SLC7A5: variants seen among roughly 807,000 people sequenced by gnomAD.
SLC7A5 encodes solute carrier family 7 member 5.
Under a neutral mutation model 50.2 loss-of-function variants are expected in SLC7A5, and 23 were observed. The ratio of observed to expected loss-of-function variants is 0.46; its 90% CI spans 0.33 to 0.65. The LOEUF is 0.65. SLC7A5 is among the 30% of genes least tolerant of loss of function. The pLI is 0.02. For missense variants in SLC7A5, 578 were observed against 684.4 expected, an observed-to-expected ratio of 0.84 and a Z score of 1.73; for synonymous variants, 393 against 330.6, an observed-to-expected ratio of 1.19 and a Z score of -2.05.
intron 8 of SLC7A5, among the ~76,000 whole-genome samples, chr16:87,836,056 T>C (rs907889897): frequency 6.6e-6 from 1 of 152,210 alleles, no homozygotes; most frequent in Non-Finnish European, 1.5e-5. Context: ...CCCCTCTGAA[T>C]GAGCCGCTGG....
At chr16:87,835,963 G>A (rs1443962525) in intron 8 of SLC7A5, among the ~76,000 whole-genome samples, 5 of 152,244 alleles carry the variant, frequency 3.3e-5, no homozygotes, top group African/African-American at 1.2e-4. Flanking sequence ...CCAGGGCGGC[G>A]GGACTTGCTG....
rs145015731 is a variant in SLC7A5 at position 87,857,309 on chromosome 16, G to A, written c.539-5460C>T. Among the ~76,000 whole-genome samples, 229 of 151,884 alleles carry A rather than the reference G, an allele frequency of 1.5e-3. 1 individual carries two copies. Among genetic ancestry groups the A allele is most frequent in the Middle Eastern group, 0.014 (4 of 294 alleles). ...ACGATCTTGGCTCACTGCAACCTCC[G>A]CCTCCTGAGTTCAAGCCATTCTCTC... On this transcript the variant is annotated intron_variant, in intron 1 of 9. Transcript: ENST00000261622.
intron 2 of SLC7A5, among the ~76,000 whole-genome samples, chr16:87,843,480 G>A (rs1387242005): frequency 6.6e-6 from 1 of 150,602 alleles, no homozygotes; most frequent in Admixed American, 6.7e-5. Context: ...TCTGCTTAAG[G>A]GTGGCCTGGA....
At position 87,833,290 on chromosome 16, in the gene SLC7A5, G is replaced by A. The variant is rs1193149338; in HGVS notation, c.1469-265C>T. On this transcript the variant is annotated intron_variant, in intron 9 of 9. Coordinates refer to ENST00000261622, the MANE Select transcript of SLC7A5 (RefSeq NM_003486.7). The surrounding 1 kb of genome is among the most constrained non-coding windows in gnomAD (Gnocchi z 6.0). ...CTTCAGAACCCTGGGGAGGCAGAGT[G>A]CGGCCCCTGGGGCACACGAACCAGG... Among the ~76,000 whole-genome samples, 1 of 152,262 alleles carries A rather than the reference G, an allele frequency of 6.6e-6. No homozygotes were observed. Among genetic ancestry groups the A allele is most frequent in the East Asian group, 1.9e-4 (1 of 5,200 alleles).
In SLC7A5 at chr16:87,838,851, C is replaced by A. The variant is rs184567321; in HGVS notation, c.940-34G>T. ...GCACAACCAGTGAGCTGGGCCCCACCGGGCCGGCCCTCGCCCTCCCTGTGC... is the reference window on the plus strand; with the variant it reads ...GCACAACCAGTGAGCTGGGCCCCACAGGGCCGGCCCTCGCCCTCCCTGTGC... On this transcript the variant is annotated intron_variant, in intron 5 of 9. Coordinates refer to ENST00000261622, the MANE Select transcript of SLC7A5 (RefSeq NM_003486.7). 3 of 1,539,618 alleles carry A rather than the reference C, an allele frequency of 1.9e-6. No individual in the cohort carries two copies. In the African/African-American group the frequency reaches 4.1e-5, roughly 21 times the overall value.
chr16:87,848,840 C>T (rs948292817), intron 2 of SLC7A5, among the ~76,000 whole-genome samples: 7 of 152,198 alleles, frequency 4.6e-5, no homozygotes, highest in Admixed American at 1.3e-4. Context: ...AGATGCGGCA[C>T]ACGGGACAGA....
At chr16:87,864,676 C>G (rs1302826803) in intron 1 of SLC7A5, among the ~76,000 whole-genome samples, 5 of 152,228 alleles carry the variant, frequency 3.3e-5, no homozygotes, top group Non-Finnish European at 7.3e-5. Context: ...GCTGAGGGTC[C>G]CAGCCGCTTA....
rs149888918 is a variant in SLC7A5 at position 87,860,786 on chromosome 16, A to T, written c.538+8099T>A. Among the ~76,000 whole-genome samples, 157 of 152,266 alleles carry T rather than the reference A, an allele frequency of 1.0e-3. No individual in the cohort carries two copies. Among genetic ancestry groups the T allele is most frequent in the African/African-American group, 3.6e-3 (150 of 41,552 alleles). On this transcript the variant is annotated intron_variant, in intron 1 of 9. Transcript: ENST00000261622. This position sits in a 1 kb window ranked among gnomAD's most constrained non-coding sequence, Gnocchi z 4.8. ...GCGGGCGTCACGCTCCAAGGCCCAG[A>T]ATAGGAGGTCGGTGCTCATTCCTCA...
At chr16:87,836,992 G>A (rs1233388072) in intron 7 of SLC7A5, among the ~76,000 whole-genome samples, 1 of 152,202 alleles carries the variant, frequency 6.6e-6, no homozygotes, top group African/African-American at 2.4e-5. Flanking sequence ...CTCTGTGTGC[G>A]AGGGCCACAA....
intron 1 of SLC7A5, among the ~76,000 whole-genome samples, chr16:87,863,100 G>T (rs2055419339): frequency 6.6e-6 from 1 of 152,220 alleles, no homozygotes; most frequent in South Asian, 2.1e-4. Flanking sequence ...TGCTTTCAAG[G>T]CATGGAGGAG....
rs867578916 is a variant in SLC7A5, at chr16:87,855,678, C to T, written c.539-3829G>A. Among the ~76,000 whole-genome samples, 38 of 152,108 alleles carry T rather than the reference C, an allele frequency of 2.5e-4. 1 individual carries two copies. In the Middle Eastern group the frequency reaches 0.01, roughly 41 times the overall value. ...CTCTGTCCAGCTCCTGATAAAATCCCGCTACAAGCAAAGGGATGATCCCCC... is the reference window on the plus strand; with the variant it reads ...CTCTGTCCAGCTCCTGATAAAATCCTGCTACAAGCAAAGGGATGATCCCCC... On this transcript the variant is annotated intron_variant, in intron 1 of 9. Transcript: ENST00000261622.
At chr16:87,859,722 C>T (rs1331667733) in intron 1 of SLC7A5, among the ~76,000 whole-genome samples, 1 of 151,858 alleles carries the variant, frequency 6.6e-6, no homozygotes, top group African/African-American at 2.4e-5. Flanking sequence ...GGGCAGATCA[C>T]GAGGTCAGGA....
chr16:87,833,540 A>C lies in SLC7A5; in HGVS notation c.1469-515T>G, dbSNP rs112838210. ...AGGATAGAGACGGGGGTTTGCTTTA[A>C]GCTCTTGGTGTCCTGAATGACAGTT... is the stretch of plus-strand genomic sequence containing the variant. On this transcript the variant is annotated intron_variant, in intron 9 of 9. Transcript: ENST00000261622. This position sits in a 1 kb window ranked among gnomAD's most constrained non-coding sequence, Gnocchi z 6.0. 0.021 allele frequency among the ~76,000 whole-genome samples: 3,202 copies of C among 152,218 alleles called. 136 individuals are homozygous for C. The highest frequency in any genetic ancestry group is 0.073 in the African/African-American group (3,025 of 41,520).
At chr16:87,854,328 G>A (rs1286056511) in intron 1 of SLC7A5, among the ~76,000 whole-genome samples, 1 of 152,176 alleles carries the variant, frequency 6.6e-6, no homozygotes, top group African/African-American at 2.4e-5. Context: ...CATGTTCACT[G>A]ACTTTGGGTG....
chr16:87,856,098 C>G (rs1008515029), intron 1 of SLC7A5, among the ~76,000 whole-genome samples: 1 of 152,172 alleles, frequency 6.6e-6, no homozygotes, highest in Non-Finnish European at 1.5e-5. Flanking sequence ...CTGTGAGTGC[C>G]CCAGGCAGGC....
chr16:87,834,356 C>A lies in SLC7A5; in HGVS notation c.1468+58G>T, dbSNP rs1459929049. ...GGTGGAGACGGCCGACGCCTCTCAACTCCCTTCGCTGCCCAGGGCAGAGGG... is the reference window on the plus strand; with the variant it reads ...GGTGGAGACGGCCGACGCCTCTCAAATCCCTTCGCTGCCCAGGGCAGAGGG... On this transcript the variant is annotated intron_variant, in intron 9 of 9. Transcript: ENST00000261622. The A allele has an allele frequency of 2.6e-6, 4 of 1,531,158 alleles. No homozygotes were observed. In the African/African-American group the frequency reaches 4.1e-5, roughly 16 times the overall value. The allele number at this position is 1,531,158 out of a possible 1,614,324, so 94.8% of individuals were successfully genotyped here.
intron 2 of SLC7A5, among the ~76,000 whole-genome samples, chr16:87,843,903 C>G (rs1458394202): frequency 2.0e-5 from 3 of 152,200 alleles, no homozygotes; most frequent in African/African-American, 7.2e-5. Context: ...TCAGCTTTCT[C>G]TCCCATGGAC....
rs767842751 is a variant in SLC7A5, at chr16:87,868,982, G to T, written c.441C>A (p.Ile147=). The T allele has an allele frequency of 3.7e-6, 6 of 1,611,350 alleles. No homozygotes were observed. Among genetic ancestry groups the T allele is most frequent in the Non-Finnish European group, 5.1e-6 (6 of 1,179,664 alleles). The change falls in exon 1 of 10, where the codon ATC becomes ATA. Residue 147 remains isoleucine (I), a synonymous_variant. Transcript: ENST00000261622. ...LLIIRPSSQY[I]VALVFATYLL... ...GGTAGGTGGCGAAGACCAGGGCCAC[G>T]ATGTACTGCGATGAAGGCCGGATGA...
Position 87,853,650 on chromosome 16 carries a change from T to A in SLC7A5, c.539-1801A>T, listed in dbSNP as rs149397812. On this transcript the variant is annotated intron_variant, in intron 1 of 9. Transcript: ENST00000261622. This position sits in a 1 kb window ranked among gnomAD's most constrained non-coding sequence, Gnocchi z 4.4. ...CTGGCTTGCCAGTCCCATTTCCTTA[T>A]GGTTGGGGGGAGCACGACCATAAAA... 2.6e-5 allele frequency among the ~76,000 whole-genome samples: 4 copies of A among 152,068 alleles called. No homozygotes were observed. Among genetic ancestry groups the A allele is most frequent in the African/African-American group, 9.7e-5 (4 of 41,368 alleles).
Sources: gnomAD v4.1 joint callset for allele counts (sites outside exome capture counted in the v4.1 genomes callset) on GRCh38, gnomAD v4.1.1 for gene constraint, Gnocchi (gnomAD v3.1) non-coding constraint, MANE v1.5 for transcripts, NCBI Gene and HGNC (gene_info 2026-07-23, HGNC 2026-07-21) for gene names.